AKAP7: variants seen among roughly 807,000 people sequenced by gnomAD.
AKAP7 encodes the protein A kinase (PRKA) anchor protein 7.
In AKAP7, 39 loss-of-function variants were observed where a neutral mutation model predicts 39.5. The observed-to-expected ratio is 0.99, with a 90% CI of 0.76 to 1.29. The LOEUF (loss-of-function observed/expected upper bound fraction) is 1.29, where lower values mean the gene tolerates loss of function less well. Among genes scored for constraint, AKAP7 ranks in the 50% most tolerant of loss-of-function variants. The pLI is 0.00. For missense variants in AKAP7, 414 were observed against 407.7 expected (o/e 1.02, Z -0.13); for synonymous variants, 140 against 139.1 (o/e 1.01, Z -0.05).
chr6:131,241,627 G>GTGTGTGTATATA lies in AKAP7; in HGVS notation c.850+21820_850+21821insGTGTGTATATAT. 6.5e-3 allele frequency among the ~76,000 whole-genome samples: 563 copies of GTGTGTGTATATA among 86,674 alleles called. 25 individuals carry two copies. The highest frequency in any genetic ancestry group is 0.027 in the African/African-American group (544 of 20,058). 56.9% of individuals were successfully genotyped at this position (86,674 alleles called of 152,430 possible). ...TGTGTGTGTGTGTGTGTGTGTGTGT[G>GTGTGTGTATATA]TATATATATATGACAGTTATAGGAT... On this transcript the variant is annotated intron_variant, in intron 7 of 7. Coordinates refer to ENST00000431975, the MANE Select transcript of AKAP7 (RefSeq NM_016377.4).
chr6:131,180,030 ACTGCTT>A (rs1309286996), intron 5 of AKAP7, among the ~76,000 whole-genome samples: 1 of 152,200 alleles, frequency 6.6e-6, no homozygotes, highest in Non-Finnish European at 1.5e-5. Context: ...CGGCAGGTCC[ACTGCTT>A]CTGCTCAGTT....
At chr6:131,208,958 G>A (rs979999623) in intron 6 of AKAP7, among the ~76,000 whole-genome samples, 1 of 152,172 alleles carries the variant, frequency 6.6e-6, no homozygotes, top group Non-Finnish European at 1.5e-5. Context: ...AAGTCACATG[G>A]TTCCTTCTGA....
In AKAP7 at chr6:131,282,756, T is replaced by C. The variant is rs1815304370; in HGVS notation, c.*1030T>C. ...ATTAGCAATTTCTTGCCAAAGAAAA[T>C]TGATTCTGCCCAATTATTTTTTGAG... On this transcript the variant is annotated 3_prime_UTR_variant, in exon 8 of 8. Coordinates refer to ENST00000431975, the MANE Select transcript of AKAP7 (RefSeq NM_016377.4). The C allele has an allele frequency of 3.6e-6, 2 of 552,180 alleles. No individual in the cohort carries two copies. The highest frequency in any genetic ancestry group is 3.8e-5 in the African/African-American group (2 of 52,564). The allele number at this position is 552,180 out of a possible 1,614,324, so 34.2% of individuals were successfully genotyped here. A position where few individuals can be genotyped will look rare whatever the true frequency, so the allele number is the denominator to read the frequency against.
chr6:131,164,285 T>G, intron 3 of AKAP7: 3 of 438,990 alleles, frequency 6.8e-6, no homozygotes, highest in South Asian at 4.8e-5. Flanking sequence ...TTTCTGGGTT[T>G]GCTATTTTGT....
chr6:131,243,682 C>A (rs1250848799), intron 7 of AKAP7, among the ~76,000 whole-genome samples: 9 of 152,180 alleles, frequency 5.9e-5, no homozygotes, highest in Admixed American at 5.9e-4. Context: ...AGGTCAAACA[C>A]TGGGCCACTT....
chr6:131,204,125 G>T (rs1463902926), intron 6 of AKAP7, among the ~76,000 whole-genome samples: 1 of 151,960 alleles, frequency 6.6e-6, no homozygotes, highest in African/African-American at 2.4e-5. Context: ...TTATGCAACT[G>T]ACATTAAAAA....
rs1344729245 is a variant in AKAP7 at position 131,239,980 on chromosome 6, GCT to G, written c.850+20175_850+20176del. Among the ~76,000 whole-genome samples, 28 of 152,244 alleles carry G rather than the reference GCT, an allele frequency of 1.8e-4. No homozygotes were observed. The East Asian group carries it at 4.1e-3, about 22-fold the overall frequency. On this transcript the variant is annotated intron_variant, in intron 7 of 7. Coordinates refer to ENST00000431975, the MANE Select transcript of AKAP7 (RefSeq NM_016377.4). ...TGCGTTCCTTTGGAGGAGGAGAGGC[GCT>G]CTGATTTTTAGAGTTTCCAGTTTTT...
intron 7 of AKAP7, among the ~76,000 whole-genome samples, chr6:131,254,076 C>T (rs567919695): frequency 2.0e-5 from 3 of 152,278 alleles, no homozygotes; most frequent in East Asian, 3.9e-4. Context: ...TTAATTAGTG[C>T]AGCACAAAAC....
intron 7 of AKAP7, among the ~76,000 whole-genome samples, chr6:131,246,959 G>C (rs939639831): frequency 1.5e-5 from 2 of 129,092 alleles, no homozygotes; most frequent in East Asian, 3.9e-4. Context: ...TCCCCTTATT[G>C]TCAATACTCT....
intron 7 of AKAP7, among the ~76,000 whole-genome samples, chr6:131,261,293 T>C (rs1813313214): frequency 6.6e-6 from 1 of 152,060 alleles, no homozygotes; most frequent in African/African-American, 2.4e-5. Context: ...ACATACAAGT[T>C]TGGGCTCAAA....
At chr6:131,213,213 A>AT (rs1042940310) in intron 6 of AKAP7, among the ~76,000 whole-genome samples, 2 of 152,126 alleles carry the variant, frequency 1.3e-5, no homozygotes, top group African/African-American at 4.8e-5. Context: ...TTTCTGAATG[A>AT]TTTTCTACCA....
At chr6:131,180,267 T>C (rs1805035689) in intron 5 of AKAP7, among the ~76,000 whole-genome samples, 1 of 152,224 alleles carries the variant, frequency 6.6e-6, no homozygotes, top group African/African-American at 2.4e-5. Context: ...GCTGTGTTCT[T>C]GGTCTGCTGG....
intron 6 of AKAP7, among the ~76,000 whole-genome samples, chr6:131,207,998 TGTTTTTGA>T (rs1299983037): frequency 6.6e-6 from 1 of 152,236 alleles, no homozygotes; most frequent in Non-Finnish European, 1.5e-5. Flanking sequence ...AGTTTTTAGT[TGTTTTTGA>T]GTCACTTTTC....
upstream of AKAP7, among the ~76,000 whole-genome samples, chr6:131,131,457 CTCTT>C (rs200759111): frequency 6.2e-5 from 7 of 113,122 alleles, no homozygotes; most frequent in African/African-American, 1.9e-4. Flanking sequence ...GATATTGTTT[CTCTT>C]TCTTTCTTTT....
At position 131,235,812 on chromosome 6, in the gene AKAP7, C is replaced by G. The variant is rs562242940; in HGVS notation, c.850+16004C>G. 2.5e-3 allele frequency among the ~76,000 whole-genome samples: 374 copies of G among 152,156 alleles called. 1 individual carries two copies. Among genetic ancestry groups the G allele is most frequent in the Middle Eastern group, 6.8e-3 (2 of 294 alleles). The stretch of plus-strand genomic sequence containing the variant: ...TCATTATAGATTCTGGATATTAGCC[C>G]TTTGTCAGATGAGTAGATTGCAAAA... On this transcript the variant is annotated intron_variant, in intron 7 of 7. Coordinates refer to ENST00000431975, the MANE Select transcript of AKAP7 (RefSeq NM_016377.4).
chr6:131,230,458 T>C (rs1020375507), intron 7 of AKAP7, among the ~76,000 whole-genome samples: 12 of 152,296 alleles, frequency 7.9e-5, no homozygotes, highest in Middle Eastern at 6.8e-3. Context: ...CTTTTACGTG[T>C]TGATTTAAGT....
chr6:131,180,862 A>G lies in AKAP7; in HGVS notation c.589+11589A>G, dbSNP rs529010209. On this transcript the variant is annotated intron_variant, in intron 5 of 7. Transcript: ENST00000431975. ...TTTTTTTTTTTTAATACTTCTCTCA[A>G]TGTATCTTCTCAGCTTTCTTCATTA... is the stretch of plus-strand genomic sequence containing the variant. 4.8e-5 allele frequency among the ~76,000 whole-genome samples: 7 copies of G among 144,808 alleles called. No individual in the cohort carries two copies. In the South Asian group the frequency reaches 1.3e-3, roughly 26 times the overall value. 95.0% of individuals were successfully genotyped at this position (144,808 alleles called of 152,430 possible).
intron 6 of AKAP7, among the ~76,000 whole-genome samples, chr6:131,217,646 A>C (rs1809305954): frequency 6.6e-6 from 1 of 152,162 alleles, no homozygotes; most frequent in Non-Finnish European, 1.5e-5. Context: ...CATGTTGGAA[A>C]TCATCTGTGA....
At chr6:131,277,114 C>A (rs1814808485) in intron 7 of AKAP7, among the ~76,000 whole-genome samples, 1 of 152,082 alleles carries the variant, frequency 6.6e-6, no homozygotes, top group Non-Finnish European at 1.5e-5. Context: ...TAGGTACGAA[C>A]CCTGGATGAA....
Sources: gnomAD v4.1 joint callset for allele counts (sites outside exome capture counted in the v4.1 genomes callset) on GRCh38, gnomAD v4.1.1 for gene constraint, MANE v1.5 for transcripts, NCBI Gene and HGNC (gene_info 2026-07-23, HGNC 2026-07-21) for gene names.